The following PLG variants were observed in gnomAD, a reference collection of about 807,000 sequenced individuals.
The protein encoded by PLG is plasmin.
A neutral mutation model predicts 104.4 loss-of-function variants in PLG; 41 were observed. The observed-to-expected ratio is 0.39, with a 90% confidence interval of 0.31 to 0.51. The LOEUF is 0.51. Ranked by LOEUF, PLG falls within the 20% of genes least tolerant of loss-of-function variation. The pLI is 0.76. For synonymous variants in PLG, 337 were observed against 357.1 expected, an observed-to-expected ratio of 0.94 and a Z score of 0.63; for missense variants, 891 against 1,003.6, an observed-to-expected ratio of 0.89 and a Z score of 1.52.
intron 17 of PLG, among the ~76,000 whole-genome samples, chr6:160,748,400 G>GAAA (rs1562383460): frequency 0.39 from 10,157 of 26,354 alleles, 1,674 homozygotes; most frequent in Non-Finnish European, 0.43. Context: ...AAGAAAGAAA[G>GAAA]GAAGAAAGAA....
Position 160,725,453 on chromosome 6 carries a change from A to G in PLG, c.1256+2886A>G, listed in dbSNP as rs760083917. 1.3e-4 allele frequency among the ~76,000 whole-genome samples: 20 copies of G among 152,144 alleles called. No individual in the cohort carries two copies. The highest frequency in any genetic ancestry group is 2.4e-4 in the Non-Finnish European group (16 of 68,024). ...GAGGGTTATTGCAAATCCTAGAACA[A>G]CTGAAAAAATTTAAACTTAGAGGAA... On this transcript the variant is annotated intron_variant, in intron 10 of 18. Transcript: ENST00000308192. This position sits in a 1 kb window ranked among gnomAD's most constrained non-coding sequence, Gnocchi z 6.3.
intron 9 of PLG, among the ~76,000 whole-genome samples, chr6:160,720,374 G>A (rs1019039689): frequency 7.6e-5 from 9 of 118,338 alleles, no homozygotes; most frequent in Non-Finnish European, 1.5e-4. Context: ...TTTGTAGATT[G>A]TTGATTTTTT....
In PLG at chr6:160,734,450, A is replaced by G. The variant is rs935168683; in HGVS notation, c.1681+362A>G. 7.2e-5 allele frequency among the ~76,000 whole-genome samples: 11 copies of G among 152,226 alleles called. No homozygotes were observed. The highest frequency in any genetic ancestry group is 4.6e-4 in the Admixed American group (7 of 15,284). Reference sequence around the variant, plus strand: ...AAACTTTCCCTTTCCACAGCTGAGAAGTAAGAAAGAAAATACAAACAGCAG... The same window carrying G: ...AAACTTTCCCTTTCCACAGCTGAGAGGTAAGAAAGAAAATACAAACAGCAG... On this transcript the variant is annotated intron_variant, in intron 13 of 18. Transcript: ENST00000308192. This position sits in a 1 kb window ranked among gnomAD's most constrained non-coding sequence, Gnocchi z 4.4.
chr6:160,736,166 G>T lies in PLG; in HGVS notation c.1682-721G>T, dbSNP rs938981353. Among the ~76,000 whole-genome samples the T allele has an allele frequency of 3.3e-5, 5 of 152,200 alleles. No individual in the cohort carries two copies. The highest frequency in any genetic ancestry group is 1.2e-4 in the African/African-American group (5 of 41,446). ...TGCACTGTTGTAGGCATTGGTGGATGGTACCAAAGATGGGACACTGTCCCT... is the reference window on the plus strand; with the variant it reads ...TGCACTGTTGTAGGCATTGGTGGATTGTACCAAAGATGGGACACTGTCCCT... On this transcript the variant is annotated intron_variant, in intron 13 of 18. Transcript: ENST00000308192. This position sits in a 1 kb window ranked among gnomAD's most constrained non-coding sequence, Gnocchi z 5.2.
Position 160,738,971 on chromosome 6 carries a change from G to A in PLG, c.1878-97G>A. On this transcript the variant is annotated intron_variant, in intron 15 of 18. Coordinates refer to ENST00000308192, the MANE Select transcript of PLG (RefSeq NM_000301.5). This position sits in a 1 kb window ranked among gnomAD's most constrained non-coding sequence, Gnocchi z 6.8. The stretch of plus-strand genomic sequence containing the variant: ...ACTCAGAAGTCACTAATTCTGAGTG[G>A]CCAAGGGTGTCAGGGAGACAGCACC... 6.9e-7 allele frequency: 1 copy of A among 1,440,198 alleles called. No individual in the cohort carries two copies. The highest frequency in any genetic ancestry group is 9.8e-7 in the Non-Finnish European group (1 of 1,023,688). The allele number at this position is 1,440,198 out of a possible 1,614,324, so 89.2% of individuals were successfully genotyped here.
rs1435647405 is a variant in PLG, at chr6:160,732,371, CAA to C, written c.1587+480_1587+481del. Among the ~76,000 whole-genome samples the C allele has an allele frequency of 3.3e-5, 5 of 152,256 alleles. No homozygotes were observed. Among genetic ancestry groups the C allele is most frequent in the Middle Eastern group, 3.4e-3 (1 of 294 alleles). On this transcript the variant is annotated intron_variant, in intron 12 of 18. Coordinates refer to ENST00000308192, the MANE Select transcript of PLG (RefSeq NM_000301.5). The surrounding 1 kb of genome is among the most constrained non-coding windows in gnomAD (Gnocchi z 4.5). ...GGGAAGACTGAGATATAGGAAAAACCAAAGTGTCTGTGTTCCCCCACTCTCAC... is the reference window on the plus strand; with the variant it reads ...GGGAAGACTGAGATATAGGAAAAACCAGTGTCTGTGTTCCCCCACTCTCAC...
intron 1 of PLG, among the ~76,000 whole-genome samples, chr6:160,703,666 A>G (rs1173382018): frequency 6.6e-6 from 1 of 152,246 alleles, no homozygotes; most frequent in South Asian, 2.1e-4. Context: ...CAAAGAAAAT[A>G]CAGAGCAGGA....
intron 17 of PLG, among the ~76,000 whole-genome samples, chr6:160,742,173 C>T (rs1317561076): frequency 1.3e-5 from 2 of 152,092 alleles, no homozygotes; most frequent in Non-Finnish European, 2.9e-5. Flanking sequence ...CTAGGTATAT[C>T]GCCAGTAGTA....
chr6:160,726,716 A>C lies in PLG; in HGVS notation c.1256+4149A>C, dbSNP rs1777928031. On this transcript the variant is annotated intron_variant, in intron 10 of 18. Coordinates refer to ENST00000308192, the MANE Select transcript of PLG (RefSeq NM_000301.5). The surrounding 1 kb of genome is among the most constrained non-coding windows in gnomAD (Gnocchi z 4.4). Reference sequence around the variant, plus strand: ...TGGCTAATAAAATGTGTGATTGTCTATTATGTTTAAAAACATTCTCAGTTT... The same window carrying C: ...TGGCTAATAAAATGTGTGATTGTCTCTTATGTTTAAAAACATTCTCAGTTT... 6.6e-6 allele frequency among the ~76,000 whole-genome samples: 1 copy of C among 152,046 alleles called. No individual in the cohort carries two copies. The highest frequency in any genetic ancestry group is 1.5e-5 in the Non-Finnish European group (1 of 67,890).
chr6:160,743,009 GTC>G (rs1554252523), intron 17 of PLG, among the ~76,000 whole-genome samples: 1 of 76,090 alleles, frequency 1.3e-5, no homozygotes, highest in Non-Finnish European at 2.4e-5. Context: ...TGGTCTACGT[GTC>G]TTTTTTTTTT....
In PLG at chr6:160,737,114, C is replaced by CT. The variant is rs1420632568; in HGVS notation, c.1802+108dup. 2.8e-6 allele frequency: 4 copies of CT among 1,420,210 alleles called. No individual in the cohort carries two copies. In the African/African-American group the frequency reaches 5.7e-5, roughly 20 times the overall value. The allele number at this position is 1,420,210 out of a possible 1,614,324, so 88.0% of individuals were successfully genotyped here. Reference sequence around the variant, plus strand: ...ACAGCTGAGGCATCAGCACCTGCCTCTAAGTTTTCTGAAGGAGGAAAAAAG... The same window carrying CT: ...ACAGCTGAGGCATCAGCACCTGCCTCTTAAGTTTTCTGAAGGAGGAAAAAAG... On this transcript the variant is annotated intron_variant, in intron 14 of 18. Transcript: ENST00000308192. This position sits in a 1 kb window ranked among gnomAD's most constrained non-coding sequence, Gnocchi z 4.7.
intron 17 of PLG, among the ~76,000 whole-genome samples, chr6:160,747,773 G>T (rs1415115624): frequency 6.6e-6 from 1 of 152,140 alleles, no homozygotes; most frequent in Admixed American, 6.5e-5. Flanking sequence ...CTGGGTCTGG[G>T]AGCATTGAGG....
intron 7 of PLG, among the ~76,000 whole-genome samples, chr6:160,718,089 A>C (rs563968004): frequency 1.6e-4 from 25 of 152,260 alleles, no homozygotes; most frequent in African/African-American, 5.1e-4. Flanking sequence ...ACCTCTACTA[A>C]AAATACAAAA....
chr6:160,713,115 T>A lies in PLG; in HGVS notation c.537T>A (p.Leu179=), dbSNP rs1207671489. Residue 179 remains leucine (L), a synonymous_variant, in exon 5 of 19, where the codon CTT becomes CTA. Coordinates refer to ENST00000308192, the MANE Select transcript of PLG (RefSeq NM_000301.5). ...AGAGATATGACTACTGCGACATTCT[T>A]GAGTGTGAAGGTCAGGAGTGGTTCT... is the stretch of plus-strand genomic sequence containing the variant. The part of the protein sequence containing the change: ...PEKRYDYCDI[L]ECEEECMHCS... 2 of 1,610,600 alleles carry A rather than the reference T, an allele frequency of 1.2e-6. No individual in the cohort carries two copies. The highest frequency in any genetic ancestry group is 1.7e-6 in the Non-Finnish European group (2 of 1,178,572).
intron 9 of PLG, among the ~76,000 whole-genome samples, chr6:160,720,358 C>T (rs1582938934): frequency 6.7e-6 from 1 of 149,916 alleles, no homozygotes; most frequent in Non-Finnish European, 1.5e-5. Context: ...ATTCTGAGTT[C>T]CTAGATTTGT....
chr6:160,710,971 C>A (rs1243703136), intron 3 of PLG, 106 bp from the exon 4 acceptor site: 1 of 971,570 alleles, frequency 1.0e-6, no homozygotes, highest in Non-Finnish European at 1.7e-6. Context: ...AAAGCAGAAA[C>A]AGGGGGTCTG....
intron 1 of PLG, chr6:160,705,523 T>G (rs1253762585): frequency 6.6e-6 from 1 of 152,240 alleles, no homozygotes; most frequent in Admixed American, 6.5e-5. Flanking sequence ...GTTGTGTGAC[T>G]GTCATAAGCC....
chr6:160,703,584 A>G (rs1303924089), intron 1 of PLG, among the ~76,000 whole-genome samples: 1 of 152,244 alleles, frequency 6.6e-6, no homozygotes, highest in Non-Finnish European at 1.5e-5. Context: ...ATAAATTACC[A>G]GATAAAATTT....
At position 160,753,698 on chromosome 6, in the gene PLG, A is replaced by T. The variant is rs1778447233; in HGVS notation, c.*637A>T. ...AACACAAGACCAACTGAGAGTCTGA[A>T]TGTTATTCTGGGGCACACGTGAGTC... On this transcript the variant is annotated 3_prime_UTR_variant, in exon 19 of 19. Coordinates refer to ENST00000308192, the MANE Select transcript of PLG (RefSeq NM_000301.5). The surrounding 1 kb of genome is among the most constrained non-coding windows in gnomAD (Gnocchi z 5.4). 6.6e-6 allele frequency among the ~76,000 whole-genome samples: 1 copy of T among 152,140 alleles called. No individual in the cohort carries two copies. The highest frequency in any genetic ancestry group is 1.5e-5 in the Non-Finnish European group (1 of 68,018).
Sources: gnomAD v4.1 joint callset for allele counts (sites outside exome capture counted in the v4.1 genomes callset) on GRCh38, gnomAD v4.1.1 for gene constraint, Gnocchi (gnomAD v3.1) non-coding constraint, MANE v1.5 for transcripts, NCBI Gene and HGNC (gene_info 2026-07-23, HGNC 2026-07-21) for gene names.